MCCC2: variants seen among roughly 807,000 people sequenced by gnomAD.
MCCC2 encodes the protein methylcrotonyl-CoA carboxylase subunit 2, also known as methylcrotonoyl-CoA carboxylase beta chain, mitochondrial.
In MCCC2, 52 loss-of-function variants were observed where a neutral mutation model predicts 77.2. The observed-to-expected ratio is 0.67, with a 90% CI of 0.54 to 0.85. MCCC2 has a LOEUF of 0.85. Among genes scored for constraint, MCCC2 ranks in the 40% least tolerant of loss-of-function variants. MCCC2 has a pLI of 0.00. For missense variants in MCCC2, 682 were observed against 703.2 expected (o/e 0.97, Z 0.34); for synonymous variants, 253 against 248.4 (o/e 1.02, Z -0.18).
intron 1 of MCCC2, among the ~76,000 whole-genome samples, chr5:71,589,251 G>A (rs1178371304): frequency 6.6e-6 from 1 of 152,186 alleles, no homozygotes; most frequent in East Asian, 1.9e-4. Flanking sequence ...TTGGTGATGG[G>A]TTTTGTATGA....
intron 6 of MCCC2, among the ~76,000 whole-genome samples, chr5:71,621,268 A>G (rs192758762): frequency 2.2e-4 from 33 of 152,224 alleles, no homozygotes; most frequent in Admixed American, 4.6e-4. Context: ...GCTTCTTAGG[A>G]TGCTGAGAGG....
chr5:71,598,489 GGGT>G (rs1745281828), intron 3 of MCCC2, among the ~76,000 whole-genome samples: 1 of 151,910 alleles, frequency 6.6e-6, no homozygotes, highest in Non-Finnish European at 1.5e-5. Context: ...GCCCAGGCTG[GGGT>G]GCAGTGGCAT....
At chr5:71,612,968 TC>T (rs1490550776) in intron 6 of MCCC2, among the ~76,000 whole-genome samples, 1 of 152,190 alleles carries the variant, frequency 6.6e-6, no homozygotes, top group Non-Finnish European at 1.5e-5. Context: ...GACATTCTGT[TC>T]CTTTCCTAGC....
intron 4 of MCCC2, among the ~76,000 whole-genome samples, chr5:71,600,813 C>G (rs1745399357): frequency 6.6e-6 from 1 of 152,206 alleles, no homozygotes; most frequent in East Asian, 1.9e-4. Flanking sequence ...ACTCCTGGCC[C>G]TGACTTGCTG....
intron 10 of MCCC2, among the ~76,000 whole-genome samples, chr5:71,638,040 C>T (rs960024400): frequency 6.6e-6 from 1 of 152,152 alleles, no homozygotes; most frequent in African/African-American, 2.4e-5. Context: ...ATGAGTCAGT[C>T]CTCTCAAACC....
chr5:71,599,137 G>A (rs1218507873), intron 3 of MCCC2, among the ~76,000 whole-genome samples: 3 of 151,998 alleles, frequency 2.0e-5, no homozygotes, highest in Non-Finnish European at 4.4e-5. Context: ...TGAGGCCGAG[G>A]TGGGCAGATA....
At chr5:71,594,974 C>T (rs1432631810) in intron 2 of MCCC2, among the ~76,000 whole-genome samples, 1 of 75,338 alleles carries the variant, frequency 1.3e-5, no homozygotes, top group Non-Finnish European at 3.2e-5. Context: ...TCTCAGTTCA[C>T]TACAACCTTG....
intron 6 of MCCC2, among the ~76,000 whole-genome samples, chr5:71,624,141 G>A (rs1227561305): frequency 6.6e-6 from 1 of 152,136 alleles, no homozygotes; most frequent in Non-Finnish European, 1.5e-5. Flanking sequence ...GAGATCTCCT[G>A]TCTCTTCCTT....
chr5:71,635,529 A>G (rs1423240952), intron 10 of MCCC2: 1 of 444,036 alleles, frequency 2.3e-6, no homozygotes, highest in Non-Finnish European at 4.2e-6. Flanking sequence ...TCCTGTGCAC[A>G]TTATGAATGA....
chr5:71,621,838 C>G (rs1746360067), intron 6 of MCCC2, among the ~76,000 whole-genome samples: 1 of 151,604 alleles, frequency 6.6e-6, no homozygotes. Flanking sequence ...GATAGCACAA[C>G]TGGATGACTG....
At chr5:71,643,671 A>T (rs1307568797) in intron 11 of MCCC2, 148 bp from the exon 12 acceptor site, 22 of 1,493,152 alleles carry the variant, frequency 1.5e-5, no homozygotes, top group African/African-American at 4.1e-5. Flanking sequence ...GAAGATTGTG[A>T]CATGAGCTGT....
Position 71,640,834 on chromosome 5 carries a change from C to T in MCCC2, c.1000-169C>T, listed in dbSNP as rs527530066. Among the ~76,000 whole-genome samples, 3 of 152,322 alleles carry T rather than the reference C, an allele frequency of 2.0e-5. No homozygotes were observed. In the South Asian group the frequency reaches 6.2e-4, roughly 32 times the overall value. ...ATAAAATCAGAACCCAGAATGACTT[C>T]AGGGCATTAACCAGGCATGTCAAAT... On this transcript the variant is annotated intron_variant, in intron 10 of 16. Coordinates refer to ENST00000340941, the MANE Select transcript of MCCC2 (RefSeq NM_022132.5).
chr5:71,633,127 A>ATTTTTTTTTTTTTTTT (rs1440841730), intron 8 of MCCC2, among the ~76,000 whole-genome samples: 5 of 63,792 alleles, frequency 7.8e-5, no homozygotes, highest in Admixed American at 4.7e-4. Context: ...ATATATATAT[A>ATTTTTTTTTTTTTTTT]TATATTTTTA....
intron 7 of MCCC2, 45 bp downstream of exon 7, chr5:71,626,798 A>C: frequency 6.9e-7 from 1 of 1,448,370 alleles, no homozygotes; most frequent in Non-Finnish European, 9.7e-7. Context: ...AGTATGCAGA[A>C]CATAAAATAC....
At chr5:71,625,827 A>G (rs889410867) in intron 6 of MCCC2, among the ~76,000 whole-genome samples, 2 of 152,232 alleles carry the variant, frequency 1.3e-5, no homozygotes, top group African/African-American at 4.8e-5. Context: ...TTTTCAGAAC[A>G]TGCTGTTTGC....
intron 6 of MCCC2, among the ~76,000 whole-genome samples, chr5:71,612,620 G>A (rs74493941): frequency 2.0e-5 from 3 of 152,280 alleles, no homozygotes; most frequent in East Asian, 3.9e-4. Context: ...GCCTCCCAAT[G>A]TGCTGGGATT....
At position 71,608,330 on chromosome 5, in the gene MCCC2, A is replaced by G. The variant is rs1231745846; in HGVS notation, c.624+3862A>G. Among the ~76,000 whole-genome samples, 8 of 118,068 alleles carry G rather than the reference A, an allele frequency of 6.8e-5. No homozygotes were observed. In the South Asian group the frequency reaches 1.7e-3, roughly 24 times the overall value. 77.5% of individuals were successfully genotyped at this position (118,068 alleles called of 152,430 possible). On this transcript the variant is annotated intron_variant, in intron 6 of 16. Transcript: ENST00000340941. ...GAATTGATCCCTTTACCATTATGTA[A>G]TGGCCTTCTTTGTCTCTTTTGATCT...
At chr5:71,619,573 A>G (rs1305052092) in intron 6 of MCCC2, among the ~76,000 whole-genome samples, 15 of 149,784 alleles carry the variant, frequency 1.0e-4, no homozygotes, top group Non-Finnish European at 1.5e-5. Context: ...TTATTTGTTT[A>G]TTTATTTTTC....
Position 71,658,004 on chromosome 5 carries a change from A to G in MCCC2, c.*1144A>G, listed in dbSNP as rs886060747. The G allele has an allele frequency of 1.3e-5, 2 of 152,166 alleles. No homozygotes were observed. Among genetic ancestry groups the G allele is most frequent in the Admixed American group, 1.3e-4 (2 of 15,270 alleles). 9.4% of individuals were successfully genotyped at this position (152,166 alleles called of 1,614,324 possible). ...TCCCCACTTATTTTTGTCTTTCACT[A>G]TCGCAGGCCTTAGAAGAGGTCTACC... On this transcript the variant is annotated 3_prime_UTR_variant, in exon 17 of 17. Transcript: ENST00000340941.
Sources: gnomAD v4.1 joint callset for allele counts (sites outside exome capture counted in the v4.1 genomes callset) on GRCh38, gnomAD v4.1.1 for gene constraint, MANE v1.5 for transcripts, NCBI Gene and HGNC (gene_info 2026-07-23, HGNC 2026-07-21) for gene names.